The following ABCA4 variants were observed in gnomAD, a reference collection of about 807,000 sequenced individuals.
ABCA4 encodes the protein retinal-specific phospholipid-transporting ATPase ABCA4.
Under a neutral mutation model 263.7 loss-of-function variants are expected in ABCA4, and 196 were observed. The observed-to-expected ratio is 0.74, with a 90% confidence interval of 0.66 to 0.84. The LOEUF (loss-of-function observed/expected upper bound fraction) is 0.84, where lower values mean the gene tolerates loss of function less well. Among genes scored for constraint, ABCA4 ranks in the 40% least tolerant of loss-of-function variants. The pLI is 0.00. For missense variants in ABCA4, 2,792 were observed against 2,855.1 expected, an observed-to-expected ratio of 0.98 and a Z score of 0.50; for synonymous variants, 1,133 against 1,094.2, an observed-to-expected ratio of 1.04 and a Z score of -0.70.
At chr1:94,000,953 A>G (rs766817087) in intron 46 of ABCA4, 25 bp from the exon 47 acceptor site, 1 of 1,614,058 alleles carries the variant, frequency 6.2e-7, no homozygotes, top group East Asian at 2.2e-5. Context: ...AGAGGAGGTG[A>G]GCAGGAGAGG....
intron 1 of ABCA4, among the ~76,000 whole-genome samples, chr1:94,114,437 C>T (rs1415278852): frequency 2.6e-5 from 4 of 151,904 alleles, no homozygotes; most frequent in Admixed American, 6.6e-5. Flanking sequence ...GGAGGAAGCG[C>T]GCACACACAC....
intron 30 of ABCA4, among the ~76,000 whole-genome samples, chr1:94,028,944 T>C (rs1316085383): frequency 8.3e-6 from 1 of 119,906 alleles, no homozygotes; most frequent in Admixed American, 8.3e-5. Flanking sequence ...ATTCAAACAA[T>C]GGGATAATAT....
At chr1:94,022,094 C>G (rs1157077826) in intron 32 of ABCA4, 143 bp from the exon 33 acceptor site, 2 of 739,348 alleles carry the variant, frequency 2.7e-6, no homozygotes, top group East Asian at 5.4e-5. Flanking sequence ...TACAAACCAG[C>G]TTTTAACTCT....
chr1:94,049,165 C>T (rs931063584), intron 17 of ABCA4, among the ~76,000 whole-genome samples: 7 of 152,198 alleles, frequency 4.6e-5, no homozygotes, highest in African/African-American at 1.7e-4. Flanking sequence ...AGTTTCACCT[C>T]CTCCTCTCAA....
intron 44 of ABCA4, 130 bp downstream of exon 44, chr1:94,005,311 T>C: frequency 2.4e-6 from 3 of 1,235,870 alleles, no homozygotes; most frequent in South Asian, 2.6e-5. Flanking sequence ...AGTAGACACA[T>C]AGTAAACATT....
intron 43 of ABCA4, 68 bp downstream of exon 43, chr1:94,007,566 T>C (rs1659424608): frequency 1.4e-6 from 2 of 1,391,966 alleles, no homozygotes; most frequent in Non-Finnish European, 2.0e-6. Context: ...GGTCTGATGA[T>C]CACCCTTCCT....
At chr1:94,033,712 T>C (rs2101039420) in intron 26 of ABCA4, among the ~76,000 whole-genome samples, 1 of 152,032 alleles carries the variant, frequency 6.6e-6, no homozygotes, top group African/African-American at 2.4e-5. Flanking sequence ...TCCTTTCAAC[T>C]ACATTTACCT....
At chr1:94,102,920 GAAGA>G (rs1180770188) in intron 5 of ABCA4, 91 bp downstream of exon 5, 2 of 1,545,336 alleles carry the variant, frequency 1.3e-6, no homozygotes, top group Non-Finnish European at 1.8e-6. Context: ...TGAACACAAG[GAAGA>G]AAGAAGAAAA....
intron 7 of ABCA4, among the ~76,000 whole-genome samples, chr1:94,081,465 T>C (rs567675607): frequency 1.3e-5 from 2 of 152,248 alleles, no homozygotes; most frequent in East Asian, 3.9e-4. Context: ...AAAAGCAAGA[T>C]CAGAGCAAAT....
rs566376404 is a variant in ABCA4 at position 94,005,873 on chromosome 1, CAG to C, written c.6006-293_6006-292del. ...ATCACCTCACATGTGAGTTTAAAAA[CAG>C]AGGGAAGATCAGGTTTAAGAAAATG... On this transcript the variant is annotated intron_variant, in intron 43 of 49. Coordinates refer to ENST00000370225, the MANE Select transcript of ABCA4 (RefSeq NM_000350.3). Among the ~76,000 whole-genome samples the C allele has an allele frequency of 1.6e-4, 24 of 152,270 alleles. No individual in the cohort carries two copies. In the South Asian group the frequency reaches 2.1e-3, roughly 13 times the overall value.
At chr1:94,114,246 C>T (rs1662687006) in intron 1 of ABCA4, among the ~76,000 whole-genome samples, 1 of 152,204 alleles carries the variant, frequency 6.6e-6, no homozygotes. Flanking sequence ...CCATGTTCTG[C>T]TTTTTAAAAA....
intron 30 of ABCA4, 51 bp from the exon 31 acceptor site, chr1:94,025,099 A>G: frequency 3.3e-6 from 5 of 1,505,878 alleles, no homozygotes; most frequent in Non-Finnish European, 4.6e-6. Context: ...GAGGACTTAT[A>G]AGTAGTTTGT....
chr1:94,025,986 A>G (rs1660031024), intron 30 of ABCA4, among the ~76,000 whole-genome samples: 1 of 152,226 alleles, frequency 6.6e-6, no homozygotes, highest in Admixed American at 6.5e-5. Context: ...TTCAAAATAC[A>G]TCTAGGACTG....
rs773349580 is a variant in ABCA4 at position 93,993,090 on chromosome 1, G to A, written c.*147C>T. On this transcript the variant is annotated 3_prime_UTR_variant, in exon 50 of 50. Coordinates refer to ENST00000370225, the MANE Select transcript of ABCA4 (RefSeq NM_000350.3). ...TTCTGAAAGACCTCTTTCTGAATTCGCTGCATGCTCCTCGTGTGTTTGTTT... is the reference window on the plus strand; with the variant it reads ...TTCTGAAAGACCTCTTTCTGAATTCACTGCATGCTCCTCGTGTGTTTGTTT... 2.6e-4 allele frequency: 267 copies of A among 1,031,946 alleles called. No individual in the cohort carries two copies. The highest frequency in any genetic ancestry group is 3.6e-4 in the Non-Finnish European group (248 of 687,904). 63.9% of individuals were successfully genotyped at this position (1,031,946 alleles called of 1,614,324 possible).
intron 45 of ABCA4, chr1:94,001,463 A>G (rs547245696): frequency 1.2e-5 from 6 of 508,832 alleles, no homozygotes; most frequent in African/African-American, 7.7e-5. Context: ...CTGTGCCCTC[A>G]TGATCCTTGG....
At chr1:94,111,348 G>T (rs1174324897) in intron 3 of ABCA4, 90 bp downstream of exon 3, 4 of 1,521,684 alleles carry the variant, frequency 2.6e-6, no homozygotes, top group African/African-American at 1.4e-5. Context: ...AACACTCAGT[G>T]CTCCATGCTC....
intron 35 of ABCA4, among the ~76,000 whole-genome samples, chr1:94,020,800 G>A (rs1482253017): frequency 1.3e-5 from 2 of 152,220 alleles, no homozygotes; most frequent in Admixed American, 1.3e-4. Context: ...AACTGTGCAA[G>A]AAGAGCCTCA....
Position 94,056,643 on chromosome 1 carries a change from G to A in ABCA4, c.2340C>T (p.Phe780=), listed in dbSNP as rs772140318. The change falls in exon 15 of 50, where the codon TTC becomes TTT. Residue 780 remains phenylalanine, a synonymous_variant. Coordinates refer to ENST00000370225, the MANE Select transcript of ABCA4 (RefSeq NM_000350.3). ...FTLYLPHILC[F]AWQDRMTAEL... is the part of the protein sequence containing the mutation. ...CAGCGGTCATGCGGTCCTGCCAGGC[G>A]AAGCACAGGATGTGTGGCAGGTAGA... is the stretch of plus-strand genomic sequence containing the variant. The A allele has an allele frequency of 1.3e-5, 21 of 1,613,832 alleles. No homozygotes were observed. The highest frequency in any genetic ancestry group is 3.5e-4 in the Middle Eastern group (2 of 5,782).
rs1166627816 is a variant in ABCA4, at chr1:94,044,781, C to T, written c.2919-37G>A. On this transcript the variant is annotated intron_variant, in intron 19 of 49. Transcript: ENST00000370225. Reference sequence around the variant, plus strand: ...AGGCGTCAGTGGCAGAAGAGATGGCCTTTAGCAACATGCCTTAGGAGGGCC... The same window carrying T: ...AGGCGTCAGTGGCAGAAGAGATGGCTTTTAGCAACATGCCTTAGGAGGGCC... 4 of 1,614,178 alleles carry T rather than the reference C, an allele frequency of 2.5e-6. No individual in the cohort carries two copies. In the Admixed American group the frequency reaches 6.7e-5, roughly 27 times the overall value.
Sources: allele counts gnomAD v4.1 joint callset (sites outside exome capture counted in the v4.1 genomes callset), GRCh38; gene constraint gnomAD v4.1.1; transcripts MANE v1.5; gene names NCBI Gene and HGNC (gene_info 2026-07-23, HGNC 2026-07-21).